ASCC3: variants seen among roughly 807,000 people sequenced by gnomAD.
ASCC3 encodes activating signal cointegrator 1 complex subunit 3, also known as ASC-1 complex subunit P200.
A neutral mutation model predicts 256.3 loss-of-function variants in ASCC3; 158 were observed. The observed-to-expected ratio is 0.62, with a 90% CI of 0.54 to 0.70. The LOEUF (loss-of-function observed/expected upper bound fraction) is 0.70, where lower values mean the gene tolerates loss of function less well. Among genes scored for constraint, ASCC3 ranks in the 30% least tolerant of loss-of-function variants. ASCC3 has a pLI of 0.00. For synonymous variants in ASCC3, 948 were observed against 883.4 expected, an observed-to-expected ratio of 1.07 and a Z score of -1.30; for missense variants, 2,259 against 2,626.0, an observed-to-expected ratio of 0.86 and a Z score of 3.05.
intron 8 of ASCC3, among the ~76,000 whole-genome samples, chr6:100,792,090 C>T (rs1769375674): frequency 6.6e-6 from 1 of 151,832 alleles, no homozygotes; most frequent in Non-Finnish European, 1.5e-5. Context: ...AGGTTTTCTG[C>T]AGCCAGAAGT....
chr6:100,828,988 A>C lies in ASCC3; in HGVS notation c.801+19160T>G, dbSNP rs1449516981. Among the ~76,000 whole-genome samples, 6 of 152,096 alleles carry C rather than the reference A, an allele frequency of 3.9e-5. No individual in the cohort carries two copies. In the East Asian group the frequency reaches 1.2e-3, roughly 29 times the overall value. ...CTGATTGGTGCGTTTACAATCCCTG[A>C]GCTAGACACAAAGGTTCTCCACGAC... On this transcript the variant is annotated intron_variant, in intron 4 of 41. Transcript: ENST00000369162.
rs998192645 is a variant in ASCC3 at position 100,700,191 on chromosome 6, C to A, written c.2151+15271G>T. ...TGGTTTTGTGGGCTGAACCCAGGGT[C>A]CCCATGCTGCGTGCAGCCTAGGGAC... On this transcript the variant is annotated intron_variant, in intron 13 of 41. Transcript: ENST00000369162. 7.9e-5 allele frequency among the ~76,000 whole-genome samples: 12 copies of A among 152,050 alleles called. 1 individual carries two copies. Among genetic ancestry groups the A allele is most frequent in the Admixed American group, 5.2e-4 (8 of 15,268 alleles).
At chr6:100,847,075 T>G (rs1452892027) in intron 4 of ASCC3, among the ~76,000 whole-genome samples, 1 of 152,164 alleles carries the variant, frequency 6.6e-6, no homozygotes, top group Non-Finnish European at 1.5e-5. Context: ...GTTACATACT[T>G]TAAAATTGTG....
chr6:100,719,996 A>G (rs1779251049), intron 11 of ASCC3, among the ~76,000 whole-genome samples: 1 of 151,996 alleles, frequency 6.6e-6, no homozygotes, highest in South Asian at 2.1e-4. Flanking sequence ...CAGAACCTGA[A>G]CAAAATCTAC....
At chr6:100,807,618 A>C (rs1167719534) in intron 4 of ASCC3, among the ~76,000 whole-genome samples, 2 of 151,956 alleles carry the variant, frequency 1.3e-5, no homozygotes, top group Admixed American at 1.3e-4. Context: ...TCAAGCTAAT[A>C]GTGTCAAATA....
chr6:100,626,115 A>G (rs1195897943), intron 29 of ASCC3, among the ~76,000 whole-genome samples: 1 of 151,982 alleles, frequency 6.6e-6, no homozygotes, highest in Non-Finnish European at 1.5e-5. Flanking sequence ...AGCCACATAA[A>G]TCACTTGGCT....
rs532895585 is a variant in ASCC3 at position 100,813,043 on chromosome 6, A to G, written c.802-7163T>C. Among the ~76,000 whole-genome samples, 3 of 152,316 alleles carry G rather than the reference A, an allele frequency of 2.0e-5. No individual in the cohort carries two copies. In the East Asian group the frequency reaches 5.8e-4, roughly 29 times the overall value. On this transcript the variant is annotated intron_variant, in intron 4 of 41. Transcript: ENST00000369162. ...AAAAAGGTGAAACACCATTAAGTGC[A>G]CCAACATACACATAATAAGCATACC... is the stretch of plus-strand genomic sequence containing the variant.
chr6:100,638,916 T>C (rs1211597410), intron 24 of ASCC3, 95 bp from the exon 25 acceptor site: 4 of 1,075,118 alleles, frequency 3.7e-6, no homozygotes, highest in African/African-American at 1.6e-5. Context: ...TAATCCTTAG[T>C]TCCTTAGACA....
At chr6:100,858,186 T>A in intron 3 of ASCC3, 1 of 442,568 alleles carries the variant, frequency 2.3e-6, no homozygotes, top group Non-Finnish European at 3.0e-6. Context: ...AAGATAAGTG[T>A]AATTTTTAAT....
intron 4 of ASCC3, among the ~76,000 whole-genome samples, chr6:100,838,171 T>C (rs1453475671): frequency 6.6e-6 from 1 of 152,090 alleles, no homozygotes; most frequent in Non-Finnish European, 1.5e-5. Flanking sequence ...CTATGCAATT[T>C]AGGAAATGTC....
At chr6:100,512,945 AAAG>A (rs748830104) in intron 39 of ASCC3, 27 bp from the exon 40 acceptor site, 1 of 1,591,728 alleles carries the variant, frequency 6.3e-7, no homozygotes, top group Non-Finnish European at 8.6e-7. Context: ...AAGAAACAAT[AAAG>A]GAGGAGTTTA....
intron 8 of ASCC3, among the ~76,000 whole-genome samples, chr6:100,795,485 C>T (rs1358569650): frequency 1.3e-5 from 2 of 152,090 alleles, no homozygotes; most frequent in Non-Finnish European, 2.9e-5. Context: ...GGCAGCTTTA[C>T]TTCTGGACAA....
At chr6:100,789,105 GAGGA>G (rs1225532438) in intron 8 of ASCC3, among the ~76,000 whole-genome samples, 2 of 151,570 alleles carry the variant, frequency 1.3e-5, no homozygotes, top group Non-Finnish European at 3.0e-5. Flanking sequence ...GAAAGGAAAG[GAGGA>G]AGGAAGGAAG....
chr6:100,647,737 C>A (rs118061810), intron 20 of ASCC3, among the ~76,000 whole-genome samples: 2,341 of 152,032 alleles, frequency 0.015, 24 homozygotes, highest in East Asian at 0.045. Flanking sequence ...TAGGAAGAGA[C>A]AAAAGGCATG....
At chr6:100,637,048 T>C (rs118161143) in intron 25 of ASCC3, among the ~76,000 whole-genome samples, 2 of 152,196 alleles carry the variant, frequency 1.3e-5, no homozygotes, top group East Asian at 1.9e-4. Context: ...TTTTAATGTA[T>C]ACAAAATAGC....
At chr6:100,717,871 T>C (rs771683721) in intron 12 of ASCC3, among the ~76,000 whole-genome samples, 1 of 152,228 alleles carries the variant, frequency 6.6e-6, no homozygotes, top group East Asian at 1.9e-4. Flanking sequence ...TAGGAGGACT[T>C]ACTCTACTAC....
chr6:100,573,510 C>T (rs1465423171), intron 36 of ASCC3, among the ~76,000 whole-genome samples: 1 of 152,102 alleles, frequency 6.6e-6, no homozygotes, highest in African/African-American at 2.4e-5. Flanking sequence ...CTTAATTCAA[C>T]ATTAAAGTTT....
At chr6:100,606,929 T>C in intron 31 of ASCC3, 22 bp downstream of exon 31, 4 of 1,612,750 alleles carry the variant, frequency 2.5e-6, no homozygotes, top group Non-Finnish European at 3.4e-6. Flanking sequence ...TAAATATGTG[T>C]TCACTGGAGA....
chr6:100,704,830 G>C (rs1230926793), intron 13 of ASCC3, among the ~76,000 whole-genome samples: 1 of 151,900 alleles, frequency 6.6e-6, no homozygotes, highest in Non-Finnish European at 1.5e-5. Flanking sequence ...TAACTTTTTT[G>C]ACAATATGGA....
Sources: allele counts gnomAD v4.1 joint callset (sites outside exome capture counted in the v4.1 genomes callset), GRCh38; gene constraint gnomAD v4.1.1; transcripts MANE v1.5; gene names NCBI Gene and HGNC (gene_info 2026-07-23, HGNC 2026-07-21).